Variants in EYA2 observed in about 807,000 individuals in gnomAD.
EYA2 encodes EYA transcriptional coactivator and phosphatase 2.
EYA2 carries 31 observed loss-of-function variants against 69.2 expected under a neutral mutation model. That is an observed-to-expected ratio of 0.45 (90% CI 0.34 to 0.60). The LOEUF (loss-of-function observed/expected upper bound fraction) is 0.60. Ranked by LOEUF, EYA2 falls within the 20% of genes least tolerant of loss-of-function variation. The pLI is 0.02. For synonymous variants in EYA2, 257 were observed against 279.4 expected (o/e 0.92, Z 0.80); for missense variants, 622 against 701.2 (o/e 0.89, Z 1.28).
chr20:47,156,616 T>A (rs998773187), intron 10 of EYA2, among the ~76,000 whole-genome samples: 2 of 151,886 alleles, frequency 1.3e-5, no homozygotes, highest in African/African-American at 4.8e-5. Context: ...GAAAATAATA[T>A]GTCACTGTGT....
intron 11 of EYA2, among the ~76,000 whole-genome samples, chr20:47,171,810 GGC>G (rs1219087570): frequency 6.6e-6 from 1 of 152,088 alleles, no homozygotes; most frequent in African/African-American, 2.4e-5. Context: ...ATAAATCTAT[GGC>G]CGGGCACAGT....
chr20:47,028,231 C>T (rs1984207563), intron 5 of EYA2, among the ~76,000 whole-genome samples: 3 of 152,196 alleles, frequency 2.0e-5, no homozygotes, highest in African/African-American at 7.2e-5. Flanking sequence ...GGCACGTTGA[C>T]CTTGGACTTC....
intron 10 of EYA2, among the ~76,000 whole-genome samples, chr20:47,165,110 A>C (rs542461874): frequency 1.3e-5 from 2 of 152,342 alleles, no homozygotes; most frequent in African/African-American, 4.8e-5. Flanking sequence ...CTTTAATGTT[A>C]TTTAACTTTA....
At position 47,025,758 on chromosome 20, in the gene EYA2, G is replaced by A. The variant is rs74524366; in HGVS notation, c.415+9461G>A. 1.9e-3 allele frequency among the ~76,000 whole-genome samples: 292 copies of A among 152,300 alleles called. 4 individuals are homozygous for A. In the East Asian group the frequency reaches 0.047, roughly 24 times the overall value. On this transcript the variant is annotated intron_variant, in intron 5 of 15. Coordinates refer to ENST00000327619, the MANE Select transcript of EYA2 (RefSeq NM_005244.5). ...ATATCTTCAAGTTACCCTCCATAGGGATTCTACCCATTTACACTCCCCCCA... is the reference window on the plus strand; with the variant it reads ...ATATCTTCAAGTTACCCTCCATAGGAATTCTACCCATTTACACTCCCCCCA...
chr20:47,089,710 A>G lies in EYA2; in HGVS notation c.804+329A>G, dbSNP rs2032014589. 2.0e-5 allele frequency among the ~76,000 whole-genome samples: 3 copies of G among 152,218 alleles called. No individual in the cohort carries two copies. The South Asian group carries it at 6.2e-4, about 32-fold the overall frequency. The stretch of plus-strand genomic sequence containing the variant: ...GAATTTACGTTTCTGACAAGCCCCC[A>G]GATGATTATGATGCTCTGGATTGAG... On this transcript the variant is annotated intron_variant, in intron 8 of 15. Transcript: ENST00000327619.
At chr20:47,154,861 T>TGTG (rs1162943297) in intron 10 of EYA2, among the ~76,000 whole-genome samples, 2 of 83,032 alleles carry the variant, frequency 2.4e-5, no homozygotes, top group Non-Finnish European at 5.3e-5. Context: ...GTGTGTGTGT[T>TGTG]TTGAGATGGA....
intron 3 of EYA2, among the ~76,000 whole-genome samples, chr20:47,001,870 T>G (rs1338086011): frequency 1.3e-5 from 2 of 151,960 alleles, no homozygotes; most frequent in Non-Finnish European, 2.9e-5. Flanking sequence ...CCCTCCCTTT[T>G]TGCCACTGTC....
chr20:46,986,935 G>T (rs1404191080), intron 1 of EYA2, among the ~76,000 whole-genome samples: 2 of 152,100 alleles, frequency 1.3e-5, no homozygotes, highest in Non-Finnish European at 2.9e-5. Context: ...ACCATATCAG[G>T]GTGGGATTCT....
At chr20:47,006,842 C>G (rs1982745559) in intron 4 of EYA2, among the ~76,000 whole-genome samples, 1 of 152,206 alleles carries the variant, frequency 6.6e-6, no homozygotes, top group African/African-American at 2.4e-5. Flanking sequence ...AGTCCTCACC[C>G]AGCCCACGTT....
chr20:47,155,730 C>A (rs1212128991), intron 10 of EYA2, among the ~76,000 whole-genome samples: 1 of 151,824 alleles, frequency 6.6e-6, no homozygotes, highest in Non-Finnish European at 1.5e-5. Flanking sequence ...AGAAAGATCC[C>A]TTTCCCAGGG....
intron 2 of EYA2, among the ~76,000 whole-genome samples, chr20:46,999,851 T>C (rs1304013971): frequency 6.6e-6 from 1 of 152,226 alleles, no homozygotes; most frequent in Admixed American, 6.5e-5. Flanking sequence ...TTTCTTCATC[T>C]GTACAACGGG....
intron 1 of EYA2, among the ~76,000 whole-genome samples, chr20:46,908,328 C>T (rs1984463949): frequency 6.6e-6 from 1 of 152,116 alleles, no homozygotes; most frequent in South Asian, 2.1e-4. Context: ...AGAACATGCC[C>T]AGGGGAGGCG....
intron 1 of EYA2, among the ~76,000 whole-genome samples, chr20:46,983,469 G>A (rs1980970122): frequency 6.6e-6 from 1 of 152,120 alleles, no homozygotes; most frequent in Non-Finnish European, 1.5e-5. Context: ...TAAAAGTTTT[G>A]AGTGTTTCTC....
At chr20:47,140,803 T>C (rs1378723034) in intron 9 of EYA2, among the ~76,000 whole-genome samples, 1 of 152,222 alleles carries the variant, frequency 6.6e-6, no homozygotes, top group African/African-American at 2.4e-5. Context: ...ATTTGACTTA[T>C]GATTCTGGGG....
intron 5 of EYA2, among the ~76,000 whole-genome samples, chr20:47,057,445 C>T (rs2030682386): frequency 6.6e-6 from 1 of 152,034 alleles, no homozygotes. Flanking sequence ...GTAACAGGCT[C>T]ACGCCTCTCT....
In EYA2 at chr20:46,999,677, C is replaced by T. The variant is rs73911845; in HGVS notation, c.110-1751C>T. ...AAATGAACTTCAAGACCACCACCCC[C>T]GCCCCAACCCCAGTGGTTTGGGACT... On this transcript the variant is annotated intron_variant, in intron 2 of 15. Transcript: ENST00000327619. 3.3e-3 allele frequency among the ~76,000 whole-genome samples: 508 copies of T among 152,296 alleles called. 1 individual carries two copies. Among genetic ancestry groups the T allele is most frequent in the African/African-American group, 0.012 (489 of 41,566 alleles).
chr20:46,918,582 A>G (rs1985037381), intron 1 of EYA2, among the ~76,000 whole-genome samples: 1 of 152,112 alleles, frequency 6.6e-6, no homozygotes, highest in African/African-American at 2.4e-5. Context: ...GCTGGGATAC[A>G]GACGTGAGCC....
rs112354373 is a variant in EYA2 at position 47,145,825 on chromosome 20, C to T, written c.978+2677C>T. On this transcript the variant is annotated intron_variant, in intron 10 of 15. Transcript: ENST00000327619. ...CTGAGGCAGGAGAATCACTTGAACC[C>T]AGGAGGCAGAGGTTGCAGTGAGCTG... is the stretch of plus-strand genomic sequence containing the variant. Among the ~76,000 whole-genome samples the T allele has an allele frequency of 2.3e-3, 344 of 151,876 alleles. 1 individual carries two copies. The highest frequency in any genetic ancestry group is 7.8e-3 in the African/African-American group (325 of 41,414).
chr20:47,101,913 C>G (rs6012120), intron 9 of EYA2, among the ~76,000 whole-genome samples: 51,582 of 152,122 alleles, frequency 0.34, 9,012 homozygotes, highest in Middle Eastern at 0.46. Context: ...AGTTCTTTCT[C>G]TCTGTACTTC....
Sources: allele counts gnomAD v4.1 joint callset (sites outside exome capture counted in the v4.1 genomes callset), GRCh38; gene constraint gnomAD v4.1.1; transcripts MANE v1.5; gene names NCBI Gene and HGNC (gene_info 2026-07-23, HGNC 2026-07-21).